The following PDCD5 variants were observed in gnomAD, a reference collection of about 807,000 sequenced individuals.
The protein encoded by PDCD5 is programmed cell death protein 5.
In PDCD5, 23 loss-of-function variants were observed where a neutral mutation model predicts 21.9. The ratio of observed to expected loss-of-function variants is 1.05; its 90% CI spans 0.76 to 1.49. The LOEUF (loss-of-function observed/expected upper bound fraction) is 1.49. PDCD5 is among the 40% of genes most tolerant of loss of function. PDCD5 has a pLI of 0.00. For synonymous variants in PDCD5, 45 were observed against 49.4 expected (o/e 0.91, Z 0.37); for missense variants, 152 against 147.7 (o/e 1.03, Z -0.15).
intron 2 of PDCD5, 170 bp from the exon 3 acceptor site, chr19:32,584,780 G>A (rs988238057): frequency 1.6e-6 from 1 of 625,048 alleles, no homozygotes; most frequent in African/African-American, 1.8e-5. Context: ...GGGCAAAAGG[G>A]GATTCTACTT....
intron 5 of PDCD5, 29 bp downstream of exon 5, chr19:32,586,958 T>TG (rs1568388640): frequency 6.6e-7 from 1 of 1,506,166 alleles, no homozygotes; most frequent in Non-Finnish European, 9.2e-7. Context: ...TTGTGGCAAA[T>TG]GAAAAGATGG....
intron 5 of PDCD5, 83 bp downstream of exon 5, chr19:32,587,012 T>A: frequency 8.3e-7 from 1 of 1,204,104 alleles, no homozygotes; most frequent in Non-Finnish European, 1.2e-6. Flanking sequence ...CCACACATAT[T>A]TTTCAGCCCA....
Position 32,581,206 on chromosome 19 carries a change from C to G in PDCD5, c.-56C>G. The G allele has an allele frequency of 2.2e-6, 3 of 1,334,844 alleles. No homozygotes were observed. The highest frequency in any genetic ancestry group is 2.0e-6 in the Non-Finnish European group (2 of 1,004,286). The allele number at this position is 1,334,844 out of a possible 1,614,324, so 82.7% of individuals were successfully genotyped here. ...CGCCTGCGCAGTGGTCAAGGCCGCG[C>G]TCGCGCCGAGGGGCTGCGAGAGTGA... On this transcript the variant is annotated 5_prime_UTR_variant, in exon 1 of 6. Coordinates refer to ENST00000590247, the MANE Select transcript of PDCD5 (RefSeq NM_004708.4).
chr19:32,585,492 A>T (rs2145241176), intron 3 of PDCD5, among the ~76,000 whole-genome samples: 1 of 152,354 alleles, frequency 6.6e-6, no homozygotes, highest in African/African-American at 2.4e-5. Context: ...AGGCGGCCAC[A>T]GGTGGATCAC....
intron 5 of PDCD5, 107 bp from the exon 6 acceptor site, chr19:32,587,146 C>T (rs1169193887): frequency 7.2e-6 from 7 of 972,166 alleles, no homozygotes; most frequent in Non-Finnish European, 9.7e-6. Context: ...CGCTAAGTTG[C>T]TTTAAAGACA....
At chr19:32,583,073 T>A (rs1971444283) in intron 2 of PDCD5, among the ~76,000 whole-genome samples, 1 of 152,236 alleles carries the variant, frequency 6.6e-6, no homozygotes, top group African/African-American at 2.4e-5. Context: ...TTGCCCCAGA[T>A]TCTTCCAGAG....
Position 32,581,223 on chromosome 19 carries a change from C to A in PDCD5, c.-39C>A. 6.9e-7 allele frequency: 1 copy of A among 1,441,822 alleles called. No individual in the cohort carries two copies. Among genetic ancestry groups the A allele is most frequent in the Non-Finnish European group, 9.2e-7 (1 of 1,087,784 alleles). The allele number at this position is 1,441,822 out of a possible 1,614,324, so 89.3% of individuals were successfully genotyped here. A position where few individuals can be genotyped will look rare whatever the true frequency, so the allele number is the denominator to read the frequency against. ...AGGCCGCGCTCGCGCCGAGGGGCTG[C>A]GAGAGTGACCGCGGCTGCTCCAGCG... On this transcript the variant is annotated 5_prime_UTR_variant, in exon 1 of 6. Transcript: ENST00000590247.
chr19:32,583,470 T>A (rs982634927), intron 2 of PDCD5, among the ~76,000 whole-genome samples: 5 of 150,952 alleles, frequency 3.3e-5, no homozygotes, highest in African/African-American at 9.8e-5. Flanking sequence ...TTTTTTTTTT[T>A]AATAGCCTCG....
intron 4 of PDCD5, 80 bp downstream of exon 4, chr19:32,585,987 A>T: frequency 1.2e-6 from 2 of 1,612,726 alleles, no homozygotes; most frequent in Non-Finnish European, 1.7e-6. Context: ...CTGCATCTTC[A>T]CTGGATTACA....
At chr19:32,584,742 C>A in intron 2 of PDCD5, 1 of 569,928 alleles carries the variant, frequency 1.8e-6, no homozygotes, top group Non-Finnish European at 3.1e-6. Flanking sequence ...TAGGTTGTCA[C>A]CTGTGTAATA....
chr19:32,584,930 G>C lies in PDCD5; in HGVS notation c.105-20G>C. ...CGACAGCTGTGTTTTAATTGTGTTTGACCTATGTTTTCGTTGTAGGGAAGC... is the reference window on the plus strand; with the variant it reads ...CGACAGCTGTGTTTTAATTGTGTTTCACCTATGTTTTCGTTGTAGGGAAGC... On this transcript the variant is annotated intron_variant, in intron 2 of 5. Coordinates refer to ENST00000590247, the MANE Select transcript of PDCD5 (RefSeq NM_004708.4). 1 of 1,605,046 alleles carries C rather than the reference G, an allele frequency of 6.2e-7. No homozygotes were observed. Among genetic ancestry groups the C allele is most frequent in the Non-Finnish European group, 8.5e-7 (1 of 1,171,688 alleles).
chr19:32,583,920 C>T (rs951326825), intron 2 of PDCD5, among the ~76,000 whole-genome samples: 6 of 152,164 alleles, frequency 3.9e-5, no homozygotes, highest in African/African-American at 1.4e-4. Flanking sequence ...TAACCTCTGC[C>T]TCTGAGCTTC....
At chr19:32,586,740 GC>G in intron 4 of PDCD5, 117 bp from the exon 5 acceptor site, 1 of 1,415,846 alleles carries the variant, frequency 7.1e-7, no homozygotes, top group Non-Finnish European at 9.2e-7. Flanking sequence ...CCTCACCACT[GC>G]TTCCTTCCTG....
Position 32,581,992 on chromosome 19 carries a change from T to G in PDCD5, c.67-203T>G, listed in dbSNP as rs181607534. On this transcript the variant is annotated intron_variant, in intron 1 of 5. Transcript: ENST00000590247. ...CCAGGGTGCTCTGTATTCCAAAGCC[T>G]TCTGAGGTTGTGGTTTTAGACGTTC... Among the ~76,000 whole-genome samples, 3 of 152,310 alleles carry G rather than the reference T, an allele frequency of 2.0e-5. No individual in the cohort carries two copies. The East Asian group carries it at 5.8e-4, about 29-fold the overall frequency.
At chr19:32,586,412 C>T in intron 4 of PDCD5, 1 of 1,152,712 alleles carries the variant, frequency 8.7e-7, no homozygotes, top group Non-Finnish European at 1.1e-6. Flanking sequence ...TCCCCTAAAC[C>T]CCTCACACTG....
At chr19:32,584,831 C>A (rs1971460705) in intron 2 of PDCD5, 119 bp from the exon 3 acceptor site, 4 of 772,392 alleles carry the variant, frequency 5.2e-6, no homozygotes, top group African/African-American at 1.7e-5. Flanking sequence ...TACCATAATG[C>A]AGTTTGTATA....
intron 4 of PDCD5, 166 bp from the exon 5 acceptor site, chr19:32,586,692 T>G: frequency 7.5e-7 from 1 of 1,325,202 alleles, no homozygotes; most frequent in African/African-American, 1.5e-5. Context: ...TATTTGGAAC[T>G]TAAACCAATA....
At chr19:32,584,649 A>G (rs1009625253) in intron 2 of PDCD5, among the ~76,000 whole-genome samples, 1 of 152,176 alleles carries the variant, frequency 6.6e-6, no homozygotes, top group Non-Finnish European at 1.5e-5. Context: ...CTGTCACGCA[A>G]TAGGTACTTA....
chr19:32,581,352 C>T (rs781577874), intron 1 of PDCD5, 25 bp downstream of exon 1: 1 of 1,462,278 alleles, frequency 6.8e-7, no homozygotes, highest in East Asian at 2.9e-5. Flanking sequence ...CCCCGCCAGG[C>T]TTGGCCCTCG....
Sources: allele counts gnomAD v4.1 joint callset (sites outside exome capture counted in the v4.1 genomes callset), GRCh38; gene constraint gnomAD v4.1.1; transcripts MANE v1.5; gene names NCBI Gene and HGNC (gene_info 2026-07-23, HGNC 2026-07-21).